The following FXR2 variants were observed in gnomAD, a reference collection of about 807,000 sequenced individuals.
The protein encoded by FXR2 is RNA-binding protein FXR2.
A neutral mutation model predicts 87.3 loss-of-function variants in FXR2; 9 were observed. The ratio of observed to expected loss-of-function variants is 0.10; its 90% CI spans 0.06 to 0.18. FXR2 has a LOEUF of 0.18. Among genes scored for constraint, FXR2 ranks in the 10% least tolerant of loss-of-function variants. FXR2 has a pLI of 1.00. For synonymous variants in FXR2, 331 were observed against 328.3 expected, an observed-to-expected ratio of 1.01 and a Z score of -0.09; for missense variants, 661 against 893.6, an observed-to-expected ratio of 0.74 and a Z score of 3.32.
chr17:7,593,100 C>T lies in FXR2; in HGVS notation c.1412G>A (p.Arg471Lys), dbSNP rs1483024501. 3.1e-6 allele frequency: 5 copies of T among 1,595,400 alleles called. No individual in the cohort carries two copies. Among genetic ancestry groups the T allele is most frequent in the Non-Finnish European group, 4.3e-6 (5 of 1,171,428 alleles). Residue 471 changes from arginine to lysine, a missense_variant, in exon 13 of 17, where the codon AGG (arginine) becomes AAG (lysine). Physicochemically the swap from Arg to Lys is conservative, Grantham distance 26. Transcript: ENST00000250113. The surrounding 1 kb of genome is among the most constrained non-coding windows in gnomAD (Gnocchi z 6.1). ...EEPNRAGPGD[R>K]DPPTRGEESR... ...TTCTTCCCCTCGGGTTGGGGGATCC[C>T]TGTCGCCAGGCCCAGCTCGGTTGGG...
Position 7,614,507 on chromosome 17 carries a change from TC to T in FXR2, c.25del (p.Asp9MetfsTer22). The T allele has an allele frequency of 3.1e-5, 47 of 1,519,072 alleles. No individual in the cohort carries two copies. Among genetic ancestry groups the T allele is most frequent in the Admixed American group, 1.2e-4 (6 of 49,194 alleles). 94.1% of individuals were successfully genotyped at this position (1,519,072 alleles called of 1,614,324 possible). A position where few individuals can be genotyped will look rare whatever the true frequency, so the allele number is the denominator to read the frequency against. The stretch of plus-strand genomic sequence containing the variant: ...CTCGACGGGCAGTCCCGGCTCCACA[TC>T]CCCCCCAGAGGCCAGGCCGCCCATG... MGGLASGGDVEPGLPVEVR... is the reference protein window; with the variant it reads MGGLASGGXVEPGLPVEVR... On this transcript the variant is annotated frameshift_variant, in exon 1 of 17. Transcript: ENST00000250113. LOFTEE classifies it high-confidence loss of function.
intron 1 of FXR2, among the ~76,000 whole-genome samples, chr17:7,611,146 G>T (rs1469052560): frequency 6.6e-6 from 1 of 152,098 alleles, no homozygotes; most frequent in Non-Finnish European, 1.5e-5. Flanking sequence ...ACAACTTAAA[G>T]AATAAAATAC....
intron 1 of FXR2, among the ~76,000 whole-genome samples, chr17:7,608,816 T>C (rs1392049835): frequency 1.3e-5 from 2 of 152,198 alleles, no homozygotes; most frequent in Non-Finnish European, 2.9e-5. Flanking sequence ...CTCAGTTACA[T>C]ACATGTCAAA....
At chr17:7,613,797 G>GGT (rs2071900258) in intron 1 of FXR2, 2 of 340,302 alleles carry the variant, frequency 5.9e-6, no homozygotes, top group Admixed American at 7.6e-5. Flanking sequence ...TTGAGATCAA[G>GGT]GTGTGGTGGG....
intron 4 of FXR2, 28 bp downstream of exon 4, chr17:7,603,981 T>C (rs1369991893): frequency 6.2e-7 from 1 of 1,602,930 alleles, no homozygotes; most frequent in Non-Finnish European, 8.5e-7. Context: ...GTTTCAGTAG[T>C]TCTCCAAAGG....
intron 5 of FXR2, among the ~76,000 whole-genome samples, chr17:7,603,553 G>GGAAAA (rs2071777783): frequency 6.6e-6 from 1 of 150,674 alleles, no homozygotes; most frequent in South Asian, 2.1e-4. Flanking sequence ...AAGAAAGAAA[G>GGAAAA]GAAAAGAAAA....
In FXR2 at chr17:7,593,785, A is replaced by T. The variant is rs538674877; in HGVS notation, c.1107+133T>A. On this transcript the variant is annotated intron_variant, in intron 11 of 16. Transcript: ENST00000250113. The surrounding 1 kb of genome is among the most constrained non-coding windows in gnomAD (Gnocchi z 6.1). Reference sequence around the variant, plus strand: ...GGAAAATTCTGGGACCCAACCCTATAGCCCCAAATTTCCACAGATGTTTTC... The same window carrying T: ...GGAAAATTCTGGGACCCAACCCTATTGCCCCAAATTTCCACAGATGTTTTC... 9.9e-6 allele frequency: 8 copies of T among 807,070 alleles called. No individual in the cohort carries two copies. Among genetic ancestry groups the T allele is most frequent in the East Asian group, 5.3e-5 (2 of 37,628 alleles). 50.0% of individuals were successfully genotyped at this position (807,070 alleles called of 1,614,324 possible).
rs2071688106 is a variant in FXR2 at position 7,593,966 on chromosome 17, G to A, written c.1059C>T (p.Asn353=). Reference sequence around the variant, plus strand: ...CCAGCAAAGCCTGGGCATTGCTGATGTTCTCTCGGGTGCCAACAAAAATGA... The same window carrying A: ...CCAGCAAAGCCTGGGCATTGCTGATATTCTCTCGGGTGCCAACAAAAATGA... ...VPFIFVGTRE[N]ISNAQALLEY... Residue 353 remains asparagine, a synonymous_variant, in exon 11 of 17, where the codon AAC becomes AAT. Transcript: ENST00000250113. This position sits in a 1 kb window ranked among gnomAD's most constrained non-coding sequence, Gnocchi z 6.1. 5 of 1,611,364 alleles carry A rather than the reference G, an allele frequency of 3.1e-6. No homozygotes were observed. Among genetic ancestry groups the A allele is most frequent in the Admixed American group, 1.7e-5 (1 of 60,016 alleles).
chr17:7,599,251 A>C lies in FXR2; in HGVS notation c.660+2158T>G, dbSNP rs578175659. ...GGGGTAGAGACTGCAGTGAGCTGAG[A>C]TCGCACCACTACATACACTCCAGCC... On this transcript the variant is annotated intron_variant, in intron 7 of 16. Transcript: ENST00000250113. Among the ~76,000 whole-genome samples the C allele has an allele frequency of 1.2e-4, 18 of 152,086 alleles. 1 individual carries two copies. The East Asian group carries it at 3.5e-3, about 30-fold the overall frequency.
chr17:7,602,931 G>T lies in FXR2; in HGVS notation c.521C>A (p.Thr174Lys). ...CACCAGAATGAAGAGCTCACTGTTT[G>T]TGATGTTGAGAAAGATGCAGTTGGC... ...LGANCIFLNI[T>K]NSELFILSTT... The change falls in exon 6 of 17, where the codon ACA becomes AAA. Residue 174 changes from threonine (T) to lysine (K), a missense_variant. Transcript: ENST00000250113. The T allele has an allele frequency of 6.5e-7, 1 of 1,543,664 alleles. No homozygotes were observed. The highest frequency in any genetic ancestry group is 9.0e-7 in the Non-Finnish European group (1 of 1,116,930).
At chr17:7,606,068 T>G in intron 2 of FXR2, 29 bp downstream of exon 2, 1 of 1,416,990 alleles carries the variant, frequency 7.1e-7, no homozygotes, top group Non-Finnish European at 9.8e-7. Context: ...GGACCTAGTA[T>G]GCTGGATTCT....
chr17:7,596,831 G>A (rs935976231), intron 7 of FXR2, among the ~76,000 whole-genome samples: 3 of 152,142 alleles, frequency 2.0e-5, no homozygotes, highest in South Asian at 4.1e-4. Context: ...GGCTGTGCGC[G>A]GTGGCTCACG....
chr17:7,592,967 AC>A lies in FXR2; in HGVS notation c.1528+16del. 1 of 1,554,248 alleles carries A rather than the reference AC, an allele frequency of 6.4e-7. No homozygotes were observed. Among genetic ancestry groups the A allele is most frequent in the Non-Finnish European group, 8.7e-7 (1 of 1,151,890 alleles). ...CTTTCCTTTTGGCCCATATTCATGA[AC>A]CCAGCTGTCTGGTACCTGAGCTAAT... On this transcript the variant is annotated intron_variant, in intron 13 of 16. Coordinates refer to ENST00000250113, the MANE Select transcript of FXR2 (RefSeq NM_004860.4). This position sits in a 1 kb window ranked among gnomAD's most constrained non-coding sequence, Gnocchi z 4.8.
chr17:7,591,568 T>C lies in FXR2; in HGVS notation c.*262A>G. The C allele has an allele frequency of 2.1e-6, 1 of 470,302 alleles. No homozygotes were observed. The highest frequency in any genetic ancestry group is 3.5e-5 in the Admixed American group (1 of 28,594). 29.1% of individuals were successfully genotyped at this position (470,302 alleles called of 1,614,324 possible). On this transcript the variant is annotated 3_prime_UTR_variant, in exon 17 of 17. Coordinates refer to ENST00000250113, the MANE Select transcript of FXR2 (RefSeq NM_004860.4). This position sits in a 1 kb window ranked among gnomAD's most constrained non-coding sequence, Gnocchi z 4.0. ...GGTGTTCAGAGAGAGATTGGGGCATTAGAGGATAAAGGCACATCCAGTCTG... is the reference window on the plus strand; with the variant it reads ...GGTGTTCAGAGAGAGATTGGGGCATCAGAGGATAAAGGCACATCCAGTCTG...
chr17:7,611,199 AGCAT>A (rs2071861430), intron 1 of FXR2, among the ~76,000 whole-genome samples: 1 of 152,206 alleles, frequency 6.6e-6, no homozygotes, highest in African/African-American at 2.4e-5. Flanking sequence ...GTACGTCTTA[AGCAT>A]GATGACTGCG....
In FXR2 at chr17:7,593,303, C is replaced by T; in HGVS notation, c.1330+100G>A. The T allele has an allele frequency of 8.2e-7, 1 of 1,219,318 alleles. No individual in the cohort carries two copies. Among genetic ancestry groups the T allele is most frequent in the Non-Finnish European group, 1.1e-6 (1 of 880,414 alleles). The allele number at this position is 1,219,318 out of a possible 1,614,324, so 75.5% of individuals were successfully genotyped here. A position where few individuals can be genotyped will look rare whatever the true frequency, so the allele number is the denominator to read the frequency against. On this transcript the variant is annotated intron_variant, in intron 12 of 16. Coordinates refer to ENST00000250113, the MANE Select transcript of FXR2 (RefSeq NM_004860.4). This position sits in a 1 kb window ranked among gnomAD's most constrained non-coding sequence, Gnocchi z 6.1. ...CCTCCCAGCCAATCAATCACTTTTT[C>T]ATCATCTCCATTCCAGATTTCCCCA...
chr17:7,610,981 T>C (rs768521118), intron 1 of FXR2, among the ~76,000 whole-genome samples: 5 of 151,656 alleles, frequency 3.3e-5, no homozygotes, highest in Non-Finnish European at 7.4e-5. Context: ...AAGGAGGGGG[T>C]TCTAGGAGAA....
chr17:7,595,740 G>T lies in FXR2; in HGVS notation c.831+84C>A. On this transcript the variant is annotated intron_variant, in intron 8 of 16. Coordinates refer to ENST00000250113, the MANE Select transcript of FXR2 (RefSeq NM_004860.4). The surrounding 1 kb of genome is among the most constrained non-coding windows in gnomAD (Gnocchi z 4.7). Reference sequence around the variant, plus strand: ...TGGGATTACAGGTGTGAGCCACTGTGCCCAGTTTGAGGCTTATTTTCTACT... The same window carrying T: ...TGGGATTACAGGTGTGAGCCACTGTTCCCAGTTTGAGGCTTATTTTCTACT... 9.2e-7 allele frequency: 1 copy of T among 1,089,992 alleles called. No individual in the cohort carries two copies. Among genetic ancestry groups the T allele is most frequent in the Non-Finnish European group, 1.4e-6 (1 of 735,868 alleles). The allele number at this position is 1,089,992 out of a possible 1,614,324, so 67.5% of individuals were successfully genotyped here.
chr17:7,602,125 A>T (rs976594053), intron 6 of FXR2, among the ~76,000 whole-genome samples: 1 of 150,336 alleles, frequency 6.7e-6, no homozygotes, highest in African/African-American at 2.4e-5. Flanking sequence ...TATCAGGTTT[A>T]AAAAAAAAGG....
Sources: allele counts gnomAD v4.1 joint callset (sites outside exome capture counted in the v4.1 genomes callset), GRCh38; gene constraint gnomAD v4.1.1; non-coding constraint Gnocchi (gnomAD v3.1); transcripts MANE v1.5; gene names NCBI Gene and HGNC (gene_info 2026-07-23, HGNC 2026-07-21).